Variants in PPP2R2B observed in about 807,000 individuals in gnomAD.
The protein encoded by PPP2R2B is serine/threonine-protein phosphatase 2A 55 kDa regulatory subunit B beta isoform.
A neutral mutation model predicts 46.0 loss-of-function variants in PPP2R2B; 5 were observed. That is an observed-to-expected ratio of 0.11 (90% CI 0.06 to 0.23). The LOEUF is 0.23. PPP2R2B is among the 10% of genes least tolerant of loss of function. The probability of loss-of-function intolerance (pLI) is 1.00; values close to 1 mark genes in which losing one functional copy is unlikely to be tolerated. For missense variants in PPP2R2B, 367 were observed against 575.0 expected (o/e 0.64, Z 3.70); for synonymous variants, 215 against 206.7 (o/e 1.04, Z -0.34).
At chr5:146,831,176 A>AT (rs376369667) in intron 2 of PPP2R2B, among the ~76,000 whole-genome samples, 1 of 152,268 alleles carries the variant, frequency 6.6e-6, no homozygotes, top group East Asian at 1.9e-4. Context: ...CCTTCTGCTT[A>AT]TAAAAAAAAA....
intron 1 of PPP2R2B, among the ~76,000 whole-genome samples, chr5:146,948,796 T>C (rs1360568888): frequency 6.6e-6 from 1 of 152,136 alleles, no homozygotes; most frequent in Non-Finnish European, 1.5e-5. Context: ...GCTCATGGTT[T>C]AGTAGATACA....
At chr5:146,770,103 C>T (rs1192243619) in intron 2 of PPP2R2B, among the ~76,000 whole-genome samples, 1 of 151,806 alleles carries the variant, frequency 6.6e-6, no homozygotes, top group Admixed American at 6.6e-5. Flanking sequence ...CCGAGGCAGG[C>T]AGATCACTTG....
At chr5:146,979,159 G>C (rs1175604597) in intron 1 of PPP2R2B, among the ~76,000 whole-genome samples, 1 of 151,924 alleles carries the variant, frequency 6.6e-6, no homozygotes, top group Non-Finnish European at 1.5e-5. Flanking sequence ...CTTTATACTT[G>C]CTGTTTCCTT....
At chr5:147,070,208 T>A (rs1270517168) in intron 2 of PPP2R2B, among the ~76,000 whole-genome samples, 1 of 152,182 alleles carries the variant, frequency 6.6e-6, no homozygotes, top group Non-Finnish European at 1.5e-5. Flanking sequence ...CCACAGACCG[T>A]GGCTATTTTG....
intron 2 of PPP2R2B, among the ~76,000 whole-genome samples, chr5:146,778,984 C>G (rs1305751011): frequency 6.6e-6 from 1 of 152,146 alleles, no homozygotes; most frequent in African/African-American, 2.4e-5. Context: ...TGTGGGGGAT[C>G]CAGTGTGGGG....
chr5:146,595,093 T>A (rs1226697644), intron 8 of PPP2R2B, among the ~76,000 whole-genome samples: 1 of 152,186 alleles, frequency 6.6e-6, no homozygotes, highest in African/African-American at 2.4e-5. Context: ...AAATTAATTT[T>A]CCCCCACCTT....
chr5:146,726,308 A>G (rs575927281), intron 2 of PPP2R2B, among the ~76,000 whole-genome samples: 41 of 152,286 alleles, frequency 2.7e-4, no homozygotes, highest in African/African-American at 8.2e-4. Flanking sequence ...ATCTATGCCA[A>G]ACTAGATATG....
chr5:147,033,019 G>T lies in PPP2R2B; in HGVS notation c.79+22646C>A, dbSNP rs183522997. Among the ~76,000 whole-genome samples, 12 of 152,168 alleles carry T rather than the reference G, an allele frequency of 7.9e-5. No homozygotes were observed. The South Asian group carries it at 2.5e-3, about 32-fold the overall frequency. On this transcript the variant is annotated intron_variant, in intron 1 of 8. Transcript: ENST00000336640. ...AGTGTTCCCTGTTCACTGCATCCACGCCAACATCTACTGTTTTCTGATTTT... is the reference window on the plus strand; with the variant it reads ...AGTGTTCCCTGTTCACTGCATCCACTCCAACATCTACTGTTTTCTGATTTT...
chr5:146,697,374 CA>C (rs1779234969), intron 4 of PPP2R2B, among the ~76,000 whole-genome samples: 1 of 152,212 alleles, frequency 6.6e-6, no homozygotes, highest in South Asian at 2.1e-4. Context: ...TCTCTCTATT[CA>C]GTACCCAACA....
At chr5:146,891,849 CA>C (rs1056813050) in intron 1 of PPP2R2B, among the ~76,000 whole-genome samples, 1 of 151,182 alleles carries the variant, frequency 6.6e-6, no homozygotes, top group Non-Finnish European at 1.5e-5. Context: ...GGGCCCAAAT[CA>C]AAAAAAGGGG....
chr5:146,738,354 C>G (rs146682790), intron 2 of PPP2R2B, among the ~76,000 whole-genome samples: 5 of 146,698 alleles, frequency 3.4e-5, no homozygotes, highest in African/African-American at 1.3e-4. Flanking sequence ...CGAGATCATG[C>G]CACTGCACTC....
At chr5:147,065,690 G>A (rs1757395955) in intron 2 of PPP2R2B, among the ~76,000 whole-genome samples, 1 of 152,060 alleles carries the variant, frequency 6.6e-6, no homozygotes, top group Non-Finnish European at 1.5e-5. Flanking sequence ...AGAAAAGAGG[G>A]AAAATGACAT....
chr5:146,815,441 G>C (rs1457292318), intron 2 of PPP2R2B, among the ~76,000 whole-genome samples: 1 of 152,302 alleles, frequency 6.6e-6, no homozygotes, highest in East Asian at 1.9e-4. Context: ...ACACACAGTA[G>C]GTGCTCACTA....
intron 2 of PPP2R2B, among the ~76,000 whole-genome samples, chr5:146,794,961 C>G (rs1561912530): frequency 6.6e-6 from 1 of 152,082 alleles, no homozygotes; most frequent in Non-Finnish European, 1.5e-5. Flanking sequence ...CCTCCTGCCC[C>G]CTATTTTTTT....
intron 2 of PPP2R2B, among the ~76,000 whole-genome samples, chr5:146,844,325 C>T (rs1759852140): frequency 6.8e-6 from 1 of 147,878 alleles, no homozygotes; most frequent in Non-Finnish European, 1.5e-5. Flanking sequence ...GCACAATGTG[C>T]ACATGTACCC....
intron 1 of PPP2R2B, among the ~76,000 whole-genome samples, chr5:146,961,652 G>A (rs150167590): frequency 6.4e-4 from 97 of 152,104 alleles, no homozygotes; most frequent in African/African-American, 2.0e-3. Context: ...CCTTTTATAT[G>A]TTAAGAGTAT....
chr5:147,019,561 C>T (rs1436323132), intron 1 of PPP2R2B, among the ~76,000 whole-genome samples: 1 of 151,918 alleles, frequency 6.6e-6, no homozygotes, highest in Non-Finnish European at 1.5e-5. Flanking sequence ...CTAATGCTGG[C>T]CAAATAGTTT....
Position 146,752,754 on chromosome 5 carries a change from A to T in PPP2R2B, c.71-51612T>A, listed in dbSNP as rs541115655. Among the ~76,000 whole-genome samples the T allele has an allele frequency of 2.0e-4, 29 of 146,116 alleles. No homozygotes were observed. In the East Asian group the frequency reaches 6.3e-3, roughly 32 times the overall value. ...CAGGCACTGTGCCAGGCTCTGGGAA[A>T]ACAAAAATGAGCAGAAAAAAAGCAT... On this transcript the variant is annotated intron_variant, in intron 2 of 9. Transcript: ENST00000394411.
chr5:147,011,427 T>C (rs1052656127), intron 1 of PPP2R2B, among the ~76,000 whole-genome samples: 2 of 152,174 alleles, frequency 1.3e-5, no homozygotes, highest in African/African-American at 4.8e-5. Flanking sequence ...TATATAACTA[T>C]ACAACTAACT....
Sources: gnomAD v4.1 joint callset for allele counts (sites outside exome capture counted in the v4.1 genomes callset) on GRCh38, gnomAD v4.1.1 for gene constraint, MANE v1.5 for transcripts, NCBI Gene and HGNC (gene_info 2026-07-23, HGNC 2026-07-21) for gene names.